Variants in KCNH8 observed in about 807,000 individuals in gnomAD.
The protein encoded by KCNH8 is potassium voltage-gated channel subfamily H member 8, also known as voltage-gated delayed rectifier potassium channel KCNH8.
In KCNH8, 70 loss-of-function variants were observed where a neutral mutation model predicts 103.6. That is an observed-to-expected ratio of 0.68 (90% CI 0.56 to 0.82). The LOEUF (loss-of-function observed/expected upper bound fraction) is 0.82, where lower values mean the gene tolerates loss of function less well. Among genes scored for constraint, KCNH8 ranks in the 40% least tolerant of loss-of-function variants. The pLI is 0.00. For synonymous variants in KCNH8, 498 were observed against 489.4 expected (o/e 1.02, Z -0.23); for missense variants, 1,217 against 1,329.9 (o/e 0.92, Z 1.32).
At chr3:19,228,534 G>A (rs17005764) in intron 1 of KCNH8, among the ~76,000 whole-genome samples, 1,939 of 152,212 alleles carry the variant, frequency 0.013, 46 homozygotes, top group African/African-American at 0.043. Flanking sequence ...AAATTTTAGG[G>A]GCAGCTCAGT....
chr3:19,424,493 G>A (rs1228110258), intron 7 of KCNH8, among the ~76,000 whole-genome samples: 1 of 152,018 alleles, frequency 6.6e-6, no homozygotes, highest in African/African-American at 2.4e-5. Flanking sequence ...TCTAAGACCT[G>A]AAACCATAAA....
At chr3:19,429,055 T>A (rs1489269397) in intron 7 of KCNH8, among the ~76,000 whole-genome samples, 1 of 152,072 alleles carries the variant, frequency 6.6e-6, no homozygotes, top group East Asian at 1.9e-4. Context: ...GAAAACTTAT[T>A]TTGGAATGTT....
At chr3:19,331,506 T>C (rs926220191) in intron 3 of KCNH8, among the ~76,000 whole-genome samples, 1 of 152,062 alleles carries the variant, frequency 6.6e-6, no homozygotes. Context: ...TTGGCCAGGA[T>C]GATCTTGATC....
intron 7 of KCNH8, among the ~76,000 whole-genome samples, chr3:19,400,928 T>C (rs564900452): frequency 6.6e-6 from 1 of 152,084 alleles, no homozygotes; most frequent in African/African-American, 2.4e-5. Flanking sequence ...ACATAAAGAA[T>C]TATAAAAACT....
At chr3:19,410,737 G>T (rs2066763900) in intron 7 of KCNH8, among the ~76,000 whole-genome samples, 1 of 151,768 alleles carries the variant, frequency 6.6e-6, no homozygotes, top group Admixed American at 6.6e-5. Flanking sequence ...ACACCTCTGT[G>T]GACACAAACT....
intron 3 of KCNH8, among the ~76,000 whole-genome samples, chr3:19,320,086 C>T (rs180907654): frequency 3.9e-5 from 6 of 151,910 alleles, no homozygotes; most frequent in Admixed American, 2.0e-4. Flanking sequence ...TCTATGTATA[C>T]GTTCATGTCA....
chr3:19,222,626 C>T lies in KCNH8; in HGVS notation c.77-31028C>T, dbSNP rs545135466. ...TAGTGTGACAAATAATACAAGCTCA[C>T]CCTTTAAATAAATTGTACCACCAAG... On this transcript the variant is annotated intron_variant, in intron 1 of 15. Transcript: ENST00000328405. Among the ~76,000 whole-genome samples the T allele has an allele frequency of 1.4e-3, 209 of 151,936 alleles. 2 individuals carry two copies. The highest frequency in any genetic ancestry group is 4.7e-3 in the African/African-American group (195 of 41,434).
intron 11 of KCNH8, among the ~76,000 whole-genome samples, chr3:19,467,771 AT>A (rs2067772913): frequency 6.6e-6 from 1 of 152,206 alleles, no homozygotes; most frequent in African/African-American, 2.4e-5. Flanking sequence ...GCTGCTTGAA[AT>A]AGATCCCCAT....
chr3:19,433,172 T>C (rs1243208812), intron 7 of KCNH8, among the ~76,000 whole-genome samples: 2 of 152,206 alleles, frequency 1.3e-5, no homozygotes, highest in Non-Finnish European at 2.9e-5. Flanking sequence ...TAGACTATTA[T>C]GAACTGGCAA....
intron 7 of KCNH8, among the ~76,000 whole-genome samples, chr3:19,435,012 T>C (rs2067176981): frequency 6.6e-6 from 1 of 151,784 alleles, no homozygotes; most frequent in African/African-American, 2.4e-5. Context: ...ACTTGAAAAC[T>C]GCTAAGAATA....
chr3:19,316,012 A>G (rs549335745), intron 3 of KCNH8, among the ~76,000 whole-genome samples: 20 of 152,018 alleles, frequency 1.3e-4, no homozygotes, highest in Non-Finnish European at 2.8e-4. Context: ...TTGTTACTCC[A>G]TTTATTGTGT....
intron 2 of KCNH8, 24 bp from the exon 3 acceptor site, chr3:19,281,174 A>ATT: frequency 1.9e-6 from 3 of 1,571,374 alleles, no homozygotes; most frequent in African/African-American, 1.4e-5. Flanking sequence ...GTTGATTTGT[A>ATT]TTTTTTTTTC....
At chr3:19,415,559 T>C (rs1353896867) in intron 7 of KCNH8, among the ~76,000 whole-genome samples, 3 of 152,040 alleles carry the variant, frequency 2.0e-5, no homozygotes, top group Non-Finnish European at 4.4e-5. Flanking sequence ...TTTGTACTTA[T>C]TAATAAAAGT....
chr3:19,193,937 GC>G (rs1479378742), intron 1 of KCNH8, among the ~76,000 whole-genome samples: 3 of 151,676 alleles, frequency 2.0e-5, no homozygotes, highest in African/African-American at 7.2e-5. Flanking sequence ...AATATAAGTT[GC>G]TATTATTGTG....
chr3:19,421,250 T>A (rs1575046944), intron 7 of KCNH8, among the ~76,000 whole-genome samples: 1 of 152,230 alleles, frequency 6.6e-6, no homozygotes, highest in East Asian at 1.9e-4. Context: ...CTGGATAATT[T>A]AAAAAAATCT....
chr3:19,336,816 C>T (rs550592304), intron 3 of KCNH8, among the ~76,000 whole-genome samples: 2 of 151,898 alleles, frequency 1.3e-5, no homozygotes, highest in East Asian at 1.9e-4. Flanking sequence ...GGAACAAGTG[C>T]TCTGTTTTTT....
chr3:19,320,041 G>A (rs188097058), intron 3 of KCNH8, among the ~76,000 whole-genome samples: 1 of 151,948 alleles, frequency 6.6e-6, no homozygotes, highest in Non-Finnish European at 1.5e-5. Context: ...TCATTTACCT[G>A]TTCTGGGAGT....
At chr3:19,226,552 ATC>A (rs147387395) in intron 1 of KCNH8, among the ~76,000 whole-genome samples, 21 of 145,218 alleles carry the variant, frequency 1.4e-4, no homozygotes, top group Admixed American at 2.0e-4. Flanking sequence ...TTGCTCCACC[ATC>A]TCTCTCTCTC....
chr3:19,402,300 A>C (rs903039497), intron 7 of KCNH8, among the ~76,000 whole-genome samples: 2 of 151,962 alleles, frequency 1.3e-5, no homozygotes, highest in African/African-American at 4.8e-5. Context: ...AAAGTTACTA[A>C]AACCAATATC....
Sources: allele counts gnomAD v4.1 joint callset (sites outside exome capture counted in the v4.1 genomes callset), GRCh38; gene constraint gnomAD v4.1.1; transcripts MANE v1.5; gene names NCBI Gene and HGNC (gene_info 2026-07-23, HGNC 2026-07-21).